Variants in SDK1 observed in about 807,000 individuals in gnomAD.
SDK1 encodes sidekick cell adhesion molecule 1.
Under a neutral mutation model 245.5 loss-of-function variants are expected in SDK1, and 157 were observed. The ratio of observed to expected loss-of-function variants is 0.64; its 90% CI spans 0.56 to 0.73. SDK1 has a LOEUF of 0.73. Among genes scored for constraint, SDK1 ranks in the 30% least tolerant of loss-of-function variants. SDK1 has a pLI of 0.00. For synonymous variants in SDK1, 1,647 were observed against 1,278.5 expected, an observed-to-expected ratio of 1.29 and a Z score of -6.15; for missense variants, 3,583 against 3,002.3, an observed-to-expected ratio of 1.19 and a Z score of -4.52.
chr7:4,245,839 A>C (rs2128239292), intron 44 of SDK1, 34 bp downstream of exon 44: 1 of 1,612,094 alleles, frequency 6.2e-7, no homozygotes, highest in Non-Finnish European at 8.5e-7. Context: ...GGCAGTGACC[A>C]TCAGCCCCTA....
At chr7:3,702,461 A>G (rs141474711) in intron 4 of SDK1, among the ~76,000 whole-genome samples, 18 of 152,286 alleles carry the variant, frequency 1.2e-4, no homozygotes, top group African/African-American at 3.6e-4. Flanking sequence ...GACTTTCCAT[A>G]CTGGACATGA....
In SDK1 at chr7:4,265,783, G is replaced by C. The variant is rs1456082004; in HGVS notation, c.*399G>C. 3 of 1,012,546 alleles carry C rather than the reference G, an allele frequency of 3.0e-6. No homozygotes were observed. In the South Asian group the frequency reaches 1.4e-4, roughly 46 times the overall value. The allele number at this position is 1,012,546 out of a possible 1,614,324, so 62.7% of individuals were successfully genotyped here. ...GTGAGATCTCAGAGCTGCCCCGGCC[G>C]GCCCCCGTCTCTTTCTACCTCCTCT... On this transcript the variant is annotated 3_prime_UTR_variant, in exon 45 of 45. Coordinates refer to ENST00000404826, the MANE Select transcript of SDK1 (RefSeq NM_152744.4).
chr7:3,618,763 C>A lies in SDK1; in HGVS notation c.299-317C>A, dbSNP rs1000878379. ...TCGCAAATAGATTGCCTAGTTAAAACCAAAAGCTTGTATGTACAGGGATTG... is the reference window on the plus strand; with the variant it reads ...TCGCAAATAGATTGCCTAGTTAAAAACAAAAGCTTGTATGTACAGGGATTG... On this transcript the variant is annotated intron_variant, in intron 1 of 44. Transcript: ENST00000404826. Among the ~76,000 whole-genome samples the A allele has an allele frequency of 2.6e-5, 4 of 152,154 alleles. No individual in the cohort carries two copies. In the East Asian group the frequency reaches 7.7e-4, roughly 29 times the overall value.
intron 17 of SDK1, among the ~76,000 whole-genome samples, chr7:4,020,942 C>T (rs1210592593): frequency 6.6e-6 from 1 of 152,176 alleles, no homozygotes; most frequent in Non-Finnish European, 1.5e-5. Flanking sequence ...AGCACTGTGG[C>T]TTTGTCTGTA....
At chr7:3,805,058 G>T (rs1779207578) in intron 4 of SDK1, among the ~76,000 whole-genome samples, 1 of 152,032 alleles carries the variant, frequency 6.6e-6, no homozygotes, top group African/African-American at 2.4e-5. Context: ...AATACATGAG[G>T]TAATGTATGG....
chr7:3,849,210 G>A (rs1780357847), intron 5 of SDK1, among the ~76,000 whole-genome samples: 1 of 152,164 alleles, frequency 6.6e-6, no homozygotes, highest in African/African-American at 2.4e-5. Flanking sequence ...GAATGCGCTT[G>A]TACTACATGT....
intron 13 of SDK1, 73 bp from the exon 14 acceptor site, chr7:3,987,113 G>T (rs570708719): frequency 4.0e-6 from 6 of 1,509,666 alleles, no homozygotes; most frequent in Non-Finnish European, 4.6e-6. Flanking sequence ...ACGGTCTGCT[G>T]TAAGAGCTCA....
intron 4 of SDK1, among the ~76,000 whole-genome samples, chr7:3,648,218 C>T (rs192152792): frequency 6.6e-6 from 1 of 151,952 alleles, no homozygotes; most frequent in Non-Finnish European, 1.5e-5. Context: ...ATATCGATGC[C>T]ATGCTGTACT....
intron 40 of SDK1, among the ~76,000 whole-genome samples, chr7:4,230,475 G>T (rs1460791520): frequency 6.8e-6 from 1 of 146,182 alleles, no homozygotes; most frequent in South Asian, 2.3e-4. Context: ...AGGGCAGGGG[G>T]AAGGAAGGAG....
chr7:4,029,930 C>T (rs1403254945), intron 17 of SDK1, among the ~76,000 whole-genome samples: 1 of 152,226 alleles, frequency 6.6e-6, no homozygotes, highest in African/African-American at 2.4e-5. Context: ...TCGGATACAA[C>T]AACCACTAAC....
intron 5 of SDK1, among the ~76,000 whole-genome samples, chr7:3,855,470 A>G (rs1478210386): frequency 2.6e-5 from 4 of 152,214 alleles, no homozygotes; most frequent in Non-Finnish European, 4.4e-5. Context: ...AATAAAAATT[A>G]AACAGGCTGA....
intron 9 of SDK1, 48 bp from the exon 10 acceptor site, chr7:3,967,270 G>A: frequency 7.0e-7 from 1 of 1,428,784 alleles, no homozygotes; most frequent in Non-Finnish European, 9.9e-7. Flanking sequence ...GCTGATGTGA[G>A]CCTCTCAGGA....
At chr7:3,323,737 T>A (rs953967628) in intron 1 of SDK1, among the ~76,000 whole-genome samples, 2 of 152,248 alleles carry the variant, frequency 1.3e-5, no homozygotes, top group East Asian at 3.8e-4. Flanking sequence ...ATTATTTCCC[T>A]GCCTTCAGGT....
chr7:4,032,020 C>G (rs1787856572), intron 17 of SDK1, among the ~76,000 whole-genome samples: 1 of 140,720 alleles, frequency 7.1e-6, no homozygotes, highest in Non-Finnish European at 1.5e-5. Flanking sequence ...GAGTGAGACT[C>G]TGCCTCAAAA....
intron 5 of SDK1, among the ~76,000 whole-genome samples, chr7:3,907,733 T>G (rs1373830740): frequency 6.6e-6 from 1 of 152,136 alleles, no homozygotes; most frequent in Non-Finnish European, 1.5e-5. Context: ...ACAGCAGAGG[T>G]GGTGAGGGTC....
intron 5 of SDK1, among the ~76,000 whole-genome samples, chr7:3,821,954 T>C (rs79572111): frequency 0.042 from 6,441 of 152,326 alleles, 453 homozygotes; most frequent in African/African-American, 0.14. Context: ...TTATATTCTT[T>C]TAATCTAACA....
chr7:4,110,062 G>A (rs1049479119), intron 22 of SDK1, among the ~76,000 whole-genome samples: 1 of 152,104 alleles, frequency 6.6e-6, no homozygotes, highest in Non-Finnish European at 1.5e-5. Flanking sequence ...ACACTGCCAG[G>A]AGGCAGTTTC....
At chr7:3,661,716 A>G (rs1461070006) in intron 4 of SDK1, among the ~76,000 whole-genome samples, 2 of 152,220 alleles carry the variant, frequency 1.3e-5, no homozygotes, top group Non-Finnish European at 2.9e-5. Flanking sequence ...AAAATGCAGT[A>G]TAAAATGGTG....
intron 1 of SDK1, among the ~76,000 whole-genome samples, chr7:3,567,637 T>G (rs1256361992): frequency 1.3e-5 from 2 of 152,224 alleles, no homozygotes; most frequent in African/African-American, 2.4e-5. Context: ...TGATCTGTTT[T>G]AATTCTTCGT....
Sources: gnomAD v4.1 joint callset for allele counts (sites outside exome capture counted in the v4.1 genomes callset) on GRCh38, gnomAD v4.1.1 for gene constraint, MANE v1.5 for transcripts, NCBI Gene and HGNC (gene_info 2026-07-23, HGNC 2026-07-21) for gene names.